The following RBFOX1 variants were observed in gnomAD, a reference collection of about 807,000 sequenced individuals.
RBFOX1 encodes the protein RNA binding protein fox-1 homolog 1.
A neutral mutation model predicts 57.7 loss-of-function variants in RBFOX1; 8 were observed. The ratio of observed to expected loss-of-function variants is 0.14; its 90% CI spans 0.08 to 0.25. The LOEUF is 0.25. Among genes scored for constraint, RBFOX1 ranks in the 10% least tolerant of loss-of-function variants. The pLI, the probability that RBFOX1 is intolerant of heterozygous loss-of-function variation, is 1.00. For synonymous variants in RBFOX1, 326 were observed against 222.4 expected (o/e 1.47, Z -4.15); for missense variants, 611 against 548.5 (o/e 1.11, Z -1.14).
At chr16:6,931,362 C>G (rs1388302518) in intron 3 of RBFOX1, among the ~76,000 whole-genome samples, 2 of 150,110 alleles carry the variant, frequency 1.3e-5, no homozygotes, top group East Asian at 1.9e-4. Context: ...CACACACACA[C>G]ATACATACAC....
In RBFOX1 at chr16:6,097,532, T is replaced by G. The variant is rs762592654; in HGVS notation, c.-127+77540T>G. On this transcript the variant is annotated intron_variant, in intron 1 of 15. Coordinates refer to ENST00000550418, the MANE Select transcript of RBFOX1 (RefSeq NM_018723.4). The surrounding 1 kb of genome is among the most constrained non-coding windows in gnomAD (Gnocchi z 5.0). Reference sequence around the variant, plus strand: ...CTGTGCTTTCAACAAGCTCTCTGAGTGCTTCTTCTGAATGTTAAAGTATAA... The same window carrying G: ...CTGTGCTTTCAACAAGCTCTCTGAGGGCTTCTTCTGAATGTTAAAGTATAA... Among the ~76,000 whole-genome samples, 2 of 152,188 alleles carry G rather than the reference T, an allele frequency of 1.3e-5. No individual in the cohort carries two copies. The highest frequency in any genetic ancestry group is 2.9e-5 in the Non-Finnish European group (2 of 68,040).
intron 2 of RBFOX1, among the ~76,000 whole-genome samples, chr16:6,611,607 T>C (rs12444847): frequency 3.3e-5 from 5 of 152,220 alleles, no homozygotes; most frequent in Non-Finnish European, 5.9e-5. Context: ...TGTTCCGCTG[T>C]TCAAGGAAAC....
intron 4 of RBFOX1, among the ~76,000 whole-genome samples, chr16:7,087,255 C>T (rs533806958): frequency 2.0e-5 from 3 of 152,260 alleles, no homozygotes; most frequent in Admixed American, 6.5e-5. Flanking sequence ...CCAGAGTCAC[C>T]GGCTCTGTGC....
At chr16:7,704,627 C>A (rs898762763) in intron 14 of RBFOX1, among the ~76,000 whole-genome samples, 5 of 152,134 alleles carry the variant, frequency 3.3e-5, no homozygotes, top group African/African-American at 4.8e-5. Context: ...TAGACACTGC[C>A]CCAGCCTCCA....
rs1422250215 is a variant in RBFOX1, at chr16:7,029,111, C to T, written c.-15-22946C>T. Among the ~76,000 whole-genome samples the T allele has an allele frequency of 3.1e-4, 22 of 71,430 alleles. 1 individual carries two copies. The highest frequency in any genetic ancestry group is 1.8e-3 in the East Asian group (3 of 1,672). The allele number at this position is 71,430 out of a possible 152,430, so 46.9% of individuals were successfully genotyped here. A position where few individuals can be genotyped will look rare whatever the true frequency, so the allele number is the denominator to read the frequency against. On this transcript the variant is annotated intron_variant, in intron 3 of 15. Transcript: ENST00000550418. The stretch of plus-strand genomic sequence containing the variant: ...ACACACACACACACACACACACACA[C>T]ACACACACACATATACGTATATATA...
At chr16:6,559,717 G>T (rs898838060) in intron 2 of RBFOX1, among the ~76,000 whole-genome samples, 1 of 151,964 alleles carries the variant, frequency 6.6e-6, no homozygotes, top group Non-Finnish European at 1.5e-5. Flanking sequence ...TCTATAATCT[G>T]TGTGTGTCTA....
At chr16:7,469,427 C>G (rs184777808) in intron 4 of RBFOX1, among the ~76,000 whole-genome samples, 2 of 152,118 alleles carry the variant, frequency 1.3e-5, no homozygotes, top group Non-Finnish European at 2.9e-5. Flanking sequence ...CAGACCTTTG[C>G]CTATGAGGTT....
intron 3 of RBFOX1, among the ~76,000 whole-genome samples, chr16:5,833,630 T>C (rs1320622516): frequency 6.6e-6 from 1 of 152,116 alleles, no homozygotes; most frequent in African/African-American, 2.4e-5. Flanking sequence ...TTAGAGGGTC[T>C]CCTTAATTGA....
At chr16:6,676,744 A>G (rs1016872776) in intron 3 of RBFOX1, among the ~76,000 whole-genome samples, 1 of 146,104 alleles carries the variant, frequency 6.8e-6, no homozygotes, top group African/African-American at 2.5e-5. Context: ...GGTGCGATCA[A>G]GGGTCACTGC....
In RBFOX1 at chr16:7,145,578, A is replaced by G. The variant is rs1053474301; in HGVS notation, c.27+93480A>G. 5.3e-5 allele frequency among the ~76,000 whole-genome samples: 8 copies of G among 151,884 alleles called. No homozygotes were observed. In the East Asian group the frequency reaches 5.8e-4, roughly 11 times the overall value. ...AGTGCAGAACCTCATATGATGATCTATATGCACTTACTGTGTTTTACCCCT... is the reference window on the plus strand; with the variant it reads ...AGTGCAGAACCTCATATGATGATCTGTATGCACTTACTGTGTTTTACCCCT... On this transcript the variant is annotated intron_variant, in intron 4 of 15. Transcript: ENST00000550418.
chr16:5,510,521 C>T (rs552410800), intron 2 of RBFOX1, among the ~76,000 whole-genome samples: 36 of 152,122 alleles, frequency 2.4e-4, no homozygotes, highest in African/African-American at 8.0e-4. Context: ...AAGCAAGTCG[C>T]GTGGCTGAGT....
chr16:7,076,003 C>T (rs1425513441), intron 4 of RBFOX1, among the ~76,000 whole-genome samples: 2 of 151,782 alleles, frequency 1.3e-5, no homozygotes, highest in South Asian at 2.1e-4. Flanking sequence ...AAACTGACAC[C>T]AGTTGTCAGT....
At chr16:6,435,808 T>G (rs1212426372) in intron 2 of RBFOX1, among the ~76,000 whole-genome samples, 1 of 152,180 alleles carries the variant, frequency 6.6e-6, no homozygotes, top group Non-Finnish European at 1.5e-5. Context: ...TAGGAGCTGG[T>G]GCCTATGTGG....
chr16:5,878,291 C>T lies in RBFOX1; in HGVS notation c.351+10956C>T, dbSNP rs374005498. Among the ~76,000 whole-genome samples, 329 of 152,258 alleles carry T rather than the reference C, an allele frequency of 2.2e-3. 11 individuals carry two copies. The South Asian group carries it at 0.067, about 31-fold the overall frequency. Reference sequence around the variant, plus strand: ...AGAACAGCCAGCAGTTATTAATGCTCACTGTATGCTAGGCACTGAGCAATG... The same window carrying T: ...AGAACAGCCAGCAGTTATTAATGCTTACTGTATGCTAGGCACTGAGCAATG... On this transcript the variant is annotated intron_variant, in intron 4 of 19. Transcript: ENST00000641259.
At chr16:6,963,976 G>T (rs1056666358) in intron 3 of RBFOX1, among the ~76,000 whole-genome samples, 2 of 151,840 alleles carry the variant, frequency 1.3e-5, no homozygotes, top group Non-Finnish European at 2.9e-5. Context: ...GGGATTACAG[G>T]CGTGAGCCAC....
intron 1 of RBFOX1, among the ~76,000 whole-genome samples, chr16:6,269,099 G>A (rs10468326): frequency 4.6e-5 from 7 of 152,038 alleles, no homozygotes; most frequent in Non-Finnish European, 1.0e-4. Context: ...TGCTACGTAA[G>A]CTATGTCAGC....
At chr16:5,763,457 C>G (rs908819039) in intron 3 of RBFOX1, among the ~76,000 whole-genome samples, 2 of 152,206 alleles carry the variant, frequency 1.3e-5, no homozygotes, top group Non-Finnish European at 2.9e-5. Flanking sequence ...CAGCCAGATT[C>G]TGGCTGTGAG....
At chr16:6,424,849 C>T (rs1229725001) in intron 2 of RBFOX1, among the ~76,000 whole-genome samples, 1 of 152,020 alleles carries the variant, frequency 6.6e-6, no homozygotes, top group African/African-American at 2.4e-5. Flanking sequence ...TCCTGAGATG[C>T]TATTAAATGG....
intron 3 of RBFOX1, among the ~76,000 whole-genome samples, chr16:5,736,269 T>C (rs2052567839): frequency 6.6e-6 from 1 of 152,102 alleles, no homozygotes; most frequent in Non-Finnish European, 1.5e-5. Context: ...TTTTGGGAAG[T>C]ATGGGGTATA....
Sources: allele counts gnomAD v4.1 joint callset (sites outside exome capture counted in the v4.1 genomes callset), GRCh38; gene constraint gnomAD v4.1.1; non-coding constraint Gnocchi (gnomAD v3.1); transcripts MANE v1.5; gene names NCBI Gene and HGNC (gene_info 2026-07-23, HGNC 2026-07-21).